BACH2: variants seen among roughly 807,000 people sequenced by gnomAD.
The protein encoded by BACH2 is BACH transcriptional regulator 2, also known as transcription regulator protein BACH2.
BACH2 carries 5 observed loss-of-function variants against 61.8 expected under a neutral mutation model. That is an observed-to-expected ratio of 0.08 (90% CI 0.04 to 0.17). The LOEUF (loss-of-function observed/expected upper bound fraction) is 0.17, where lower values mean the gene tolerates loss of function less well. Among genes scored for constraint, BACH2 ranks in the 10% least tolerant of loss-of-function variants. The pLI, the probability that BACH2 is intolerant of heterozygous loss-of-function variation, is 1.00. For missense variants in BACH2, 824 were observed against 1,091.1 expected (o/e 0.76, Z 3.45); for synonymous variants, 446 against 440.1 (o/e 1.01, Z -0.17).
At chr6:90,289,724 G>A (rs551044780) in intron 1 of BACH2, among the ~76,000 whole-genome samples, 2 of 152,286 alleles carry the variant, frequency 1.3e-5, no homozygotes, top group African/African-American at 2.4e-5. Context: ...CATTCAACAC[G>A]CAAGAGGCCT....
intron 4 of BACH2, among the ~76,000 whole-genome samples, chr6:90,106,522 C>A (rs1782922852): frequency 6.6e-6 from 1 of 152,296 alleles, no homozygotes; most frequent in South Asian, 2.1e-4. Context: ...CCTAGCTGTG[C>A]AGTAGGCTAT....
At position 89,950,623 on chromosome 6, in the gene BACH2, G is replaced by A. The variant is rs1374387207; in HGVS notation, c.1483C>T (p.Arg495Trp). 1.7e-5 allele frequency: 27 copies of A among 1,613,812 alleles called. No homozygotes were observed. The highest frequency in any genetic ancestry group is 2.2e-5 in the Non-Finnish European group (26 of 1,179,958). ...LMADHLPGRM[R>W]PNTSCPVPIK... ...GGTACCGGGCAGCTGGTGTTGGGCC[G>A]CATCCTTCCTGGCAAGTGGTCGGCC... Residue 495 changes from arginine (R) to tryptophan (W), a missense_variant, in exon 7 of 9, where the codon CGG (arginine) becomes TGG (tryptophan). Around this residue, in one of 8 missense-constraint regions of BACH2, gnomAD observed 102 missense variants for 98.1 expected, o/e 1.04. Transcript: ENST00000257749. The surrounding 1 kb of genome is among the most constrained non-coding windows in gnomAD (Gnocchi z 5.3).
chr6:90,072,178 T>A (rs1197422725), intron 5 of BACH2, among the ~76,000 whole-genome samples: 1 of 152,218 alleles, frequency 6.6e-6, no homozygotes, highest in Non-Finnish European at 1.5e-5. Flanking sequence ...AGTTGAAAGT[T>A]CTTCAACTTG....
At chr6:90,139,370 A>G (rs1200531450) in intron 4 of BACH2, among the ~76,000 whole-genome samples, 6 of 152,194 alleles carry the variant, frequency 3.9e-5, no homozygotes, top group Admixed American at 3.9e-4. Context: ...CGTGATCATA[A>G]TTTAGTAAGA....
chr6:90,050,308 T>C (rs1779980977), intron 5 of BACH2, among the ~76,000 whole-genome samples: 2 of 152,216 alleles, frequency 1.3e-5, no homozygotes, highest in African/African-American at 4.8e-5. Context: ...GTTTGAAAAG[T>C]TCATTGATAT....
In BACH2 at chr6:89,951,678, C is replaced by G. The variant is rs748898352; in HGVS notation, c.428G>C (p.Cys143Ser). Residue 143 changes from cysteine (C) to serine (S), a missense_variant, in exon 7 of 9, where the codon TGC (cysteine) becomes TCC (serine). This residue lies in a region of BACH2 where 107 missense variants were observed against 121.7 expected (regional missense o/e 0.88). Transcript: ENST00000257749. The surrounding 1 kb of genome is among the most constrained non-coding windows in gnomAD (Gnocchi z 6.4). ...LLNSEDGLFV[C>S]RKDAACQRPH... ...GCGCTGGCACGCAGCATCCTTCCGGCACACAAACAGGCCATCCTCACTGTT... is the reference window on the plus strand; with the variant it reads ...GCGCTGGCACGCAGCATCCTTCCGGGACACAAACAGGCCATCCTCACTGTT... 1.9e-6 allele frequency: 3 copies of G among 1,614,232 alleles called. No homozygotes were observed. In the Admixed American group the frequency reaches 5.0e-5, roughly 27 times the overall value.
intron 4 of BACH2, among the ~76,000 whole-genome samples, chr6:90,105,060 G>A (rs1222070332): frequency 6.6e-6 from 1 of 152,200 alleles, no homozygotes; most frequent in East Asian, 1.9e-4. Context: ...AGCTTCAATT[G>A]TGCCTTTGTC....
chr6:90,061,505 C>G (rs1780684080), intron 5 of BACH2, among the ~76,000 whole-genome samples: 1 of 152,014 alleles, frequency 6.6e-6, no homozygotes, highest in Non-Finnish European at 1.5e-5. Flanking sequence ...TGTCAAGTAC[C>G]CTGTTGGGTA....
intron 3 of BACH2, among the ~76,000 whole-genome samples, chr6:90,225,094 A>T (rs1264113944): frequency 6.6e-6 from 1 of 152,044 alleles, no homozygotes; most frequent in South Asian, 2.1e-4. Context: ...CAACAACAAC[A>T]ACAAACAAGG....
At chr6:90,148,773 T>G (rs1784708513) in intron 4 of BACH2, among the ~76,000 whole-genome samples, 2 of 152,244 alleles carry the variant, frequency 1.3e-5, no homozygotes, top group African/African-American at 4.8e-5. Flanking sequence ...AGTGTTTTGA[T>G]TCTTTCCTTA....
At chr6:89,938,091 A>G in intron 8 of BACH2, 53 bp downstream of exon 8, 6 of 1,532,550 alleles carry the variant, frequency 3.9e-6, no homozygotes, top group Non-Finnish European at 5.4e-6. Flanking sequence ...CTGTTACTTT[A>G]CATTAGTCCT....
At chr6:90,042,601 T>C (rs768876089) in intron 5 of BACH2, among the ~76,000 whole-genome samples, 90 of 152,050 alleles carry the variant, frequency 5.9e-4, no homozygotes, top group Non-Finnish European at 1.2e-3. Flanking sequence ...TGTCTTTCCA[T>C]CAGTAAGGAA....
Position 89,984,824 on chromosome 6 carries a change from G to A in BACH2, c.243+23778C>T, listed in dbSNP as rs370801963. Reference sequence around the variant, plus strand: ...TAGTTTAAAAAGAAACTTGTCCTAAGCAATATCTGCAAAATCTCAAGTTTA... The same window carrying A: ...TAGTTTAAAAAGAAACTTGTCCTAAACAATATCTGCAAAATCTCAAGTTTA... On this transcript the variant is annotated intron_variant, in intron 6 of 8. Transcript: ENST00000257749. Among the ~76,000 whole-genome samples the A allele has an allele frequency of 1.3e-4, 20 of 152,216 alleles. No individual in the cohort carries two copies. The East Asian group carries it at 3.1e-3, about 24-fold the overall frequency.
intron 1 of BACH2, among the ~76,000 whole-genome samples, chr6:90,283,806 G>A (rs946093298): frequency 4.6e-5 from 7 of 152,096 alleles, no homozygotes; most frequent in South Asian, 4.1e-4. Context: ...TCAGGAGTTC[G>A]AGACCAGCCT....
At chr6:90,085,833 C>T (rs1428930581) in intron 5 of BACH2, among the ~76,000 whole-genome samples, 1 of 152,126 alleles carries the variant, frequency 6.6e-6, no homozygotes, top group African/African-American at 2.4e-5. Context: ...AAAATATATA[C>T]AACATAAAAT....
intron 5 of BACH2, among the ~76,000 whole-genome samples, chr6:90,024,478 T>C (rs1778535383): frequency 6.6e-6 from 1 of 152,338 alleles, no homozygotes; most frequent in African/African-American, 2.4e-5. Context: ...TTCAGAGATC[T>C]CGTGTTTTGT....
chr6:90,079,957 T>C (rs1447631836), intron 5 of BACH2, among the ~76,000 whole-genome samples: 1 of 151,644 alleles, frequency 6.6e-6, no homozygotes, highest in Non-Finnish European at 1.5e-5. Context: ...GGGAAAACAA[T>C]GTTGACTTAC....
chr6:90,148,725 C>T (rs1045735860), intron 4 of BACH2, among the ~76,000 whole-genome samples: 2 of 152,178 alleles, frequency 1.3e-5, no homozygotes, highest in Non-Finnish European at 2.9e-5. Context: ...CACCTACAGT[C>T]AGGACTGTAA....
At position 90,022,578 on chromosome 6, in the gene BACH2, C is replaced by T. The variant is rs531365777; in HGVS notation, c.-12-13722G>A. On this transcript the variant is annotated intron_variant, in intron 5 of 8. Coordinates refer to ENST00000257749, the MANE Select transcript of BACH2 (RefSeq NM_021813.4). The stretch of plus-strand genomic sequence containing the variant: ...CAGCCTGGGCGACAGAGCAAGACTC[C>T]GTTTCAAAAATGAATGAACGAATGA... Among the ~76,000 whole-genome samples, 108 of 152,228 alleles carry T rather than the reference C, an allele frequency of 7.1e-4. 1 individual carries two copies. The highest frequency in any genetic ancestry group is 2.5e-3 in the African/African-American group (103 of 41,522).
Sources: gnomAD v4.1 joint callset for allele counts (sites outside exome capture counted in the v4.1 genomes callset) on GRCh38, gnomAD v4.1.1 for gene constraint, gnomAD v4.1.1 regional missense constraint, Gnocchi (gnomAD v3.1) non-coding constraint, MANE v1.5 for transcripts, NCBI Gene and HGNC (gene_info 2026-07-23, HGNC 2026-07-21) for gene names.